The following MICAL2 variants were observed in gnomAD, a reference collection of about 807,000 sequenced individuals.
MICAL2 encodes microtubule associated monooxygenase, calponin and LIM domain containing 2.
MICAL2 carries 77 observed loss-of-function variants against 127.3 expected under a neutral mutation model. The observed-to-expected ratio is 0.60, with a 90% CI of 0.50 to 0.73. The LOEUF (loss-of-function observed/expected upper bound fraction) is 0.73, where lower values mean the gene tolerates loss of function less well. Ranked by LOEUF, MICAL2 falls within the 30% of genes least tolerant of loss-of-function variation. The pLI is 0.00. For synonymous variants in MICAL2, 570 were observed against 551.1 expected, an observed-to-expected ratio of 1.03 and a Z score of -0.48; for missense variants, 1,351 against 1,434.4, an observed-to-expected ratio of 0.94 and a Z score of 0.94.
At chr11:12,138,860 G>T (rs1017115185) in intron 2 of MICAL2, among the ~76,000 whole-genome samples, 2 of 152,128 alleles carry the variant, frequency 1.3e-5, no homozygotes, top group Non-Finnish European at 2.9e-5. Context: ...GGTCCACAAA[G>T]CTTCATCACA....
intron 4 of MICAL2, chr11:12,207,797 C>T (rs529012018): frequency 6.1e-5 from 28 of 458,262 alleles, no homozygotes; most frequent in African/African-American, 3.8e-4. Context: ...TGTTAAGCCT[C>T]AATTTCTCAT....
In MICAL2 at chr11:12,226,167, C is replaced by G. The variant is rs947937549; in HGVS notation, c.1689-4C>G. 6.2e-7 allele frequency: 1 copy of G among 1,614,164 alleles called. No homozygotes were observed. Among genetic ancestry groups the G allele is most frequent in the South Asian group, 1.1e-5 (1 of 91,084 alleles). On this transcript the variant is annotated splice_region_variant and splice_polypyrimidine_tract_variant and intron_variant, in intron 13 of 27. Transcript: ENST00000683283. ...AATTTCTCTGCTTTGTTTTGATTCT[C>G]TAGCAACTTTGACTCTTTGAATGAA...
intron 30 of MICAL2, among the ~76,000 whole-genome samples, chr11:12,321,525 G>T (rs1353066499): frequency 6.6e-6 from 1 of 152,120 alleles, no homozygotes; most frequent in Non-Finnish European, 1.5e-5. Context: ...AGGAAGAGAC[G>T]CAGCAGCTTG....
At chr11:12,143,571 G>T (rs532791056) in intron 2 of MICAL2, among the ~76,000 whole-genome samples, 26 of 152,188 alleles carry the variant, frequency 1.7e-4, no homozygotes, top group Non-Finnish European at 3.4e-4. Flanking sequence ...CACACCAATG[G>T]AAGTGATTAT....
intron 3 of MICAL2, among the ~76,000 whole-genome samples, chr11:12,186,910 G>A (rs551785306): frequency 6.6e-6 from 1 of 152,200 alleles, no homozygotes; most frequent in African/African-American, 2.4e-5. Flanking sequence ...GAGCAGCTGG[G>A]CTGTGTACCC....
At chr11:12,211,225 C>T (rs746187986) in intron 6 of MICAL2, among the ~76,000 whole-genome samples, 2 of 151,950 alleles carry the variant, frequency 1.3e-5, no homozygotes, top group Non-Finnish European at 2.9e-5. Flanking sequence ...ACTAAAAACA[C>T]AAAAAATTAG....
chr11:12,280,042 C>T (rs1226201303), intron 1 of MICAL2, among the ~76,000 whole-genome samples: 2 of 152,188 alleles, frequency 1.3e-5, no homozygotes, highest in Non-Finnish European at 2.9e-5. Flanking sequence ...TGTACTTTCC[C>T]ATCCTGGAAC....
downstream of MICAL2, chr11:12,294,316 G>A (rs199928912): frequency 1.1e-3 from 1,853 of 1,614,198 alleles, 1 homozygote; most frequent in Non-Finnish European, 1.5e-3. Flanking sequence ...AGAAGGCCTG[G>A]GCCAAGCAAG....
intron 3 of MICAL2, among the ~76,000 whole-genome samples, chr11:12,164,669 T>C (rs1282497090): frequency 6.6e-6 from 1 of 152,144 alleles, no homozygotes; most frequent in Non-Finnish European, 1.5e-5. Context: ...CTCTTCCAGG[T>C]CAATATTGAA....
chr11:12,359,113 A>G (rs1052486624), downstream of MICAL2: 7 of 152,600 alleles, frequency 4.6e-5, no homozygotes, highest in Admixed American at 2.0e-4. Context: ...TGAGAGCTTA[A>G]TAGAACATTT....
chr11:12,185,863 T>C (rs4757255), intron 3 of MICAL2, among the ~76,000 whole-genome samples: 55,779 of 152,078 alleles, frequency 0.37, 10,640 homozygotes, highest in Admixed American at 0.43. Context: ...TCAAATTGAA[T>C]CCCAACGCCA....
chr11:12,189,439 A>T (rs1054814424), intron 3 of MICAL2, among the ~76,000 whole-genome samples: 7 of 152,248 alleles, frequency 4.6e-5, no homozygotes, highest in African/African-American at 1.7e-4. Flanking sequence ...GAATGAATGC[A>T]TAGATAAATA....
intron 24 of MICAL2, among the ~76,000 whole-genome samples, chr11:12,270,386 G>A (rs985384257): frequency 2.0e-5 from 3 of 152,190 alleles, no homozygotes; most frequent in Non-Finnish European, 2.9e-5. Context: ...ACTGCTGGAC[G>A]CGCTGGTGTG....
chr11:12,162,054 C>T (rs1369232060), intron 2 of MICAL2, 25 bp from the exon 3 acceptor site: 23 of 1,536,030 alleles, frequency 1.5e-5, no homozygotes, highest in Non-Finnish European at 1.9e-5. Flanking sequence ...CCAAAGCTGA[C>T]CTCTGCCTCC....
At chr11:12,126,694 G>T (rs1224105179) in intron 1 of MICAL2, among the ~76,000 whole-genome samples, 1 of 132,520 alleles carries the variant, frequency 7.5e-6, no homozygotes, top group Non-Finnish European at 1.6e-5. Flanking sequence ...GGAAAGCAAG[G>T]CTTATGTGTG....
intron 1 of MICAL2, among the ~76,000 whole-genome samples, chr11:12,277,827 C>CTAGA (rs1863737256): frequency 6.6e-6 from 1 of 152,230 alleles, no homozygotes; most frequent in South Asian, 2.1e-4. Context: ...TTATGCAAAC[C>CTAGA]TAGATGGGCA....
intron 2 of MICAL2, among the ~76,000 whole-genome samples, chr11:12,147,136 C>A (rs1236102644): frequency 6.6e-6 from 1 of 151,974 alleles, no homozygotes; most frequent in Non-Finnish European, 1.5e-5. Flanking sequence ...GTGCAGCACA[C>A]CAACATGGCA....
downstream of MICAL2, among the ~76,000 whole-genome samples, chr11:12,289,448 T>A (rs907951338): frequency 2.6e-5 from 4 of 152,170 alleles, no homozygotes; most frequent in African/African-American, 9.7e-5. Flanking sequence ...TTCAGCAATG[T>A]CTTTACTGGA....
upstream of MICAL2, among the ~76,000 whole-genome samples, chr11:12,273,415 T>C (rs1863693285): frequency 6.6e-6 from 1 of 152,152 alleles, no homozygotes; most frequent in Admixed American, 6.5e-5. Flanking sequence ...AGCATCTGAC[T>C]ACATTCCTCA....
Sources: gnomAD v4.1 joint callset for allele counts (sites outside exome capture counted in the v4.1 genomes callset) on GRCh38, gnomAD v4.1.1 for gene constraint, MANE v1.5 for transcripts, NCBI Gene and HGNC (gene_info 2026-07-23, HGNC 2026-07-21) for gene names.